The following MTMR3 variants were observed in gnomAD, a reference collection of about 807,000 sequenced individuals.
MTMR3 encodes phosphatidylinositol-3,5-bisphosphate 3-phosphatase MTMR3.
In MTMR3, 32 loss-of-function variants were observed where a neutral mutation model predicts 132.4. The observed-to-expected ratio is 0.24, with a 90% CI of 0.18 to 0.32. The LOEUF (loss-of-function observed/expected upper bound fraction) is 0.32, where lower values mean the gene tolerates loss of function less well. Among genes scored for constraint, MTMR3 ranks in the 10% least tolerant of loss-of-function variants. The pLI is 1.00. For missense variants in MTMR3, 1,216 were observed against 1,489.6 expected (o/e 0.82, Z 3.02); for synonymous variants, 556 against 550.3 (o/e 1.01, Z -0.14).
intron 6 of MTMR3, chr22:29,990,928 T>A (rs922497379): frequency 6.6e-6 from 1 of 152,234 alleles, no homozygotes; most frequent in Non-Finnish European, 1.5e-5. Context: ...TATTTTAACT[T>A]CTTAGTTGTA....
At chr22:29,944,849 T>C (rs952304013) in intron 1 of MTMR3, among the ~76,000 whole-genome samples, 3 of 152,190 alleles carry the variant, frequency 2.0e-5, no homozygotes, top group African/African-American at 7.2e-5. Context: ...TTAGAAATGT[T>C]TACTTTTATA....
chr22:29,927,351 A>T (rs1165321130), intron 1 of MTMR3, among the ~76,000 whole-genome samples: 1 of 152,122 alleles, frequency 6.6e-6, no homozygotes. Context: ...TTGTATTTGC[A>T]CATGAATTTT....
chr22:30,006,996 A>T, intron 9 of MTMR3, 118 bp from the exon 10 acceptor site: 1 of 1,015,622 alleles, frequency 9.8e-7, no homozygotes, highest in Non-Finnish European at 1.4e-6. Context: ...AGAGGACTTG[A>T]AGCTGACCCA....
chr22:29,978,453 T>C lies in MTMR3; in HGVS notation c.15T>C (p.Thr5=). 3 of 1,612,136 alleles carry C rather than the reference T, an allele frequency of 1.9e-6. No homozygotes were observed. The highest frequency in any genetic ancestry group is 2.5e-6 in the Non-Finnish European group (3 of 1,178,638). ...TTGGACTTTTCCAGGATGAAGAGAC[T>C]CGGCACAGCCTTGAGTGCATCCAGG... is the stretch of plus-strand genomic sequence containing the variant. MDEE[T]RHSLECIQAN... Residue 5 remains threonine (T), a synonymous_variant, in exon 4 of 20, where the codon ACT becomes ACC. Transcript: ENST00000401950.
intron 1 of MTMR3, among the ~76,000 whole-genome samples, chr22:29,892,727 T>C (rs2064823923): frequency 6.6e-6 from 1 of 152,210 alleles, no homozygotes. Flanking sequence ...AATACTAAAA[T>C]CTTAGAGACT....
chr22:29,982,597 A>C (rs191614762), intron 5 of MTMR3: 13 of 152,332 alleles, frequency 8.5e-5, no homozygotes, highest in African/African-American at 3.1e-4. Context: ...CTTAAATCAA[A>C]ATACTTAGCA....
intron 1 of MTMR3, among the ~76,000 whole-genome samples, chr22:29,918,023 C>A (rs148065550): frequency 5.3e-5 from 8 of 152,150 alleles, no homozygotes; most frequent in Non-Finnish European, 7.4e-5. Context: ...CCTCTGAAAT[C>A]ACGAAATGCC....
At chr22:29,898,738 C>T (rs1182805816) in intron 1 of MTMR3, among the ~76,000 whole-genome samples, 1 of 152,084 alleles carries the variant, frequency 6.6e-6, no homozygotes, top group Non-Finnish European at 1.5e-5. Context: ...GCCTTCCCAT[C>T]CTCTCCTCTC....
At chr22:29,988,270 A>G (rs1257173949) in intron 5 of MTMR3, 1 of 345,012 alleles carries the variant, frequency 2.9e-6, no homozygotes, top group Non-Finnish European at 5.4e-6. Context: ...ATGCTATGAC[A>G]TGACTTGAGA....
At chr22:30,009,682 G>T (rs569097057) in intron 12 of MTMR3, 1 of 152,412 alleles carries the variant, frequency 6.6e-6, no homozygotes, top group African/African-American at 2.4e-5. Context: ...TGAATGGCTG[G>T]CATTTGCAGT....
At chr22:29,979,251 G>T in intron 5 of MTMR3, 199 bp downstream of exon 5, 1 of 398,022 alleles carries the variant, frequency 2.5e-6, no homozygotes, top group Non-Finnish European at 4.7e-6. Context: ...CCAGCACTTT[G>T]GGAGGCCAAG....
At chr22:29,921,118 TATTTGGCTCAA>T (rs2145769391) in intron 1 of MTMR3, among the ~76,000 whole-genome samples, 1 of 152,250 alleles carries the variant, frequency 6.6e-6, no homozygotes, top group Admixed American at 6.5e-5. Context: ...AAAATAGTTT[TATTTGGCTCAA>T]AGTTCTGCAG....
rs1311437708 is a variant in MTMR3 at position 29,967,600 on chromosome 22, C to G, written c.-84-3376C>G. The stretch of plus-strand genomic sequence containing the variant: ...ATCCACCCTTTTAAAGTATACAATT[C>G]AGTGGTTTTTAGTATAGTCATAAAG... On this transcript the variant is annotated intron_variant, in intron 2 of 19. Coordinates refer to ENST00000401950, the MANE Select transcript of MTMR3 (RefSeq NM_021090.4). Among the ~76,000 whole-genome samples the G allele has an allele frequency of 4.6e-5, 7 of 151,130 alleles. No individual in the cohort carries two copies. In the East Asian group the frequency reaches 1.2e-3, roughly 25 times the overall value.
intron 8 of MTMR3, 183 bp downstream of exon 8, chr22:29,999,040 G>T: frequency 2.3e-6 from 1 of 426,154 alleles, no homozygotes; most frequent in Admixed American, 4.3e-5. Flanking sequence ...TCATTGGAGT[G>T]GAAAGTGATC....
In MTMR3 at chr22:30,018,002, A is replaced by C. The variant is rs1315999078; in HGVS notation, c.1750A>C (p.Thr584Pro). Residue 584 changes from threonine to proline, a missense_variant, in exon 16 of 20, where the codon ACC becomes CCC. Thr to Pro is a conservative substitution (Grantham distance 38). This residue lies in a region of MTMR3 where 852 missense variants were observed against 852.0 expected (regional missense o/e 1.00). Transcript: ENST00000401950. The part of the protein sequence containing the change: ...AVYLPCPSPT[T>P]PVDDSCAPYP... ...GTACCTGCCCTGCCCATCCCCAACC[A>C]CCCCTGTGGACGACAGCTGTGCACC... is the stretch of plus-strand genomic sequence containing the variant. 2 of 1,612,762 alleles carry C rather than the reference A, an allele frequency of 1.2e-6. No individual in the cohort carries two copies. Among genetic ancestry groups the C allele is most frequent in the African/African-American group, 2.7e-5 (2 of 74,580 alleles).
rs796476094 is a variant in MTMR3 at position 30,019,202 on chromosome 22, CAAAAAAAAAAA to C, written c.1821-272_1821-262del. ...TGGGCGACAGAGTGAGACTCCGTCT[CAAAAAAAAAAA>C]AAAAAGAAAATAGCACTTGCTGTTA... On this transcript the variant is annotated intron_variant, in intron 16 of 19. Transcript: ENST00000401950. 3 of 153,392 alleles carry C rather than the reference CAAAAAAAAAAA, an allele frequency of 2.0e-5. No homozygotes were observed. In the South Asian group the frequency reaches 2.8e-4, roughly 14 times the overall value. The allele number at this position is 153,392 out of a possible 1,614,324, so 9.5% of individuals were successfully genotyped here. A position where few individuals can be genotyped will look rare whatever the true frequency, so the allele number is the denominator to read the frequency against.
chr22:29,914,330 T>TATAA (rs1236714313), intron 1 of MTMR3, among the ~76,000 whole-genome samples: 1 of 152,218 alleles, frequency 6.6e-6, no homozygotes, highest in Non-Finnish European at 1.5e-5. Flanking sequence ...ATCATGGTTT[T>TATAA]AGTTTGTAAT....
rs928178200 is a variant in MTMR3, at chr22:29,978,876, T to C, written c.94-60T>C. Reference sequence around the variant, plus strand: ...TTACCATCCATTCAGCCAACTGATGTTTGAAGCTTTTTTTTTTTTAACTGC... The same window carrying C: ...TTACCATCCATTCAGCCAACTGATGCTTGAAGCTTTTTTTTTTTTAACTGC... On this transcript the variant is annotated intron_variant, in intron 4 of 19. Coordinates refer to ENST00000401950, the MANE Select transcript of MTMR3 (RefSeq NM_021090.4). The C allele has an allele frequency of 1.8e-5, 23 of 1,279,064 alleles. 1 individual carries two copies. In the South Asian group the frequency reaches 2.7e-4, roughly 15 times the overall value. 79.2% of individuals were successfully genotyped at this position (1,279,064 alleles called of 1,614,324 possible). A position where few individuals can be genotyped will look rare whatever the true frequency, so the allele number is the denominator to read the frequency against.
intron 7 of MTMR3, chr22:29,997,670 G>A (rs1021963284): frequency 6.6e-6 from 1 of 152,152 alleles, no homozygotes; most frequent in African/African-American, 2.4e-5. Context: ...TCAGCACTTA[G>A]TAGTATGGTG....
Sources: allele counts gnomAD v4.1 joint callset (sites outside exome capture counted in the v4.1 genomes callset), GRCh38; gene constraint gnomAD v4.1.1; regional missense constraint gnomAD v4.1.1; transcripts MANE v1.5; gene names NCBI Gene and HGNC (gene_info 2026-07-23, HGNC 2026-07-21).